TENM3: variants seen among roughly 807,000 people sequenced by gnomAD.
TENM3 encodes the protein teneurin-3.
In TENM3, 63 loss-of-function variants were observed where a neutral mutation model predicts 255.1. That is an observed-to-expected ratio of 0.25 (90% CI 0.20 to 0.30). The LOEUF (loss-of-function observed/expected upper bound fraction) is 0.30. Among genes scored for constraint, TENM3 ranks in the 10% least tolerant of loss-of-function variants. The pLI is 1.00. For synonymous variants in TENM3, 1,306 were observed against 1,322.3 expected, an observed-to-expected ratio of 0.99 and a Z score of 0.27; for missense variants, 2,929 against 3,461.1, an observed-to-expected ratio of 0.85 and a Z score of 3.86.
chr4:181,893,141 G>GT, the TENM3 span, among the ~76,000 whole-genome samples: 438 of 152,226 alleles, frequency 2.9e-3, no homozygotes, highest in Non-Finnish European at 4.6e-3. Flanking sequence ...AGGTTTATAT[G>GT]TATTCTCATT....
the TENM3 span, among the ~76,000 whole-genome samples, chr4:181,601,977 G>A: frequency 6.8e-6 from 1 of 147,978 alleles, no homozygotes; most frequent in African/African-American, 2.5e-5. Context: ...CTTGTCTTTG[G>A]ATGTAGGGTC....
At position 182,442,786 on chromosome 4, in the gene TENM3, ATGTGTG is replaced by A. The variant is rs750639444; in HGVS notation, c.511+95871_511+95876del. Among the ~76,000 whole-genome samples, 17 of 148,302 alleles carry A rather than the reference ATGTGTG, an allele frequency of 1.1e-4. No homozygotes were observed. The East Asian group carries it at 2.0e-3, about 17-fold the overall frequency. On this transcript the variant is annotated intron_variant, in intron 3 of 27. Transcript: ENST00000511685. ...TGTGTGTGTGTGTGTGTGTGTACAT[ATGTGTG>A]TGTGTGTGTGTGTATATACACATAT...
intron 3 of TENM3, among the ~76,000 whole-genome samples, chr4:182,404,920 G>A (rs575720607): frequency 2.8e-4 from 42 of 152,250 alleles, no homozygotes; most frequent in African/African-American, 9.9e-4. Flanking sequence ...CTCCATCATC[G>A]CCGGTCACAG....
At chr4:182,765,376 A>G (rs907972927) in intron 22 of TENM3, among the ~76,000 whole-genome samples, 11 of 152,156 alleles carry the variant, frequency 7.2e-5, no homozygotes, top group African/African-American at 2.7e-4. Context: ...CTCCTACTGG[A>G]TACTCTATCC....
At chr4:182,697,977 C>G (rs578175957) in intron 12 of TENM3, 1 of 152,226 alleles carries the variant, frequency 6.6e-6, no homozygotes, top group South Asian at 2.1e-4. Context: ...GTCTGTCCTT[C>G]AAATTCTTCT....
At chr4:181,469,628 T>C in the TENM3 span, among the ~76,000 whole-genome samples, 106,367 of 152,024 alleles carry the variant, frequency 0.7, 37,596 homozygotes, top group Non-Finnish European at 0.74. Flanking sequence ...TAAGACATTT[T>C]GAAATGTCTG....
the TENM3 span, among the ~76,000 whole-genome samples, chr4:181,453,478 G>T: frequency 6.6e-6 from 1 of 152,232 alleles, no homozygotes; most frequent in Admixed American, 6.5e-5. Context: ...GAGGCCAGAT[G>T]ATGCCATCCG....
the TENM3 span, among the ~76,000 whole-genome samples, chr4:181,705,244 C>T: frequency 5.9e-5 from 9 of 152,098 alleles, no homozygotes; most frequent in South Asian, 2.1e-4. Context: ...CCTGAAACCG[C>T]GGAGGAGGTT....
the TENM3 span, among the ~76,000 whole-genome samples, chr4:182,005,472 A>T: frequency 6.6e-6 from 1 of 151,988 alleles, no homozygotes; most frequent in Non-Finnish European, 1.5e-5. Flanking sequence ...GCTACTGTAG[A>T]CTTGTAGTAT....
At chr4:182,192,813 A>G (rs1579661354) in intron 1 of TENM3, among the ~76,000 whole-genome samples, 1 of 152,186 alleles carries the variant, frequency 6.6e-6, no homozygotes, top group Non-Finnish European at 1.5e-5. Context: ...AGCACAGTTA[A>G]GTCCATGGAT....
In TENM3 at chr4:182,754,321, C is replaced by T. The variant is rs1056331669; in HGVS notation, c.4018-64C>T. The T allele has an allele frequency of 2.1e-6, 3 of 1,451,506 alleles. No individual in the cohort carries two copies. Among genetic ancestry groups the T allele is most frequent in the Non-Finnish European group, 2.8e-6 (3 of 1,088,654 alleles). 89.9% of individuals were successfully genotyped at this position (1,451,506 alleles called of 1,614,324 possible). On this transcript the variant is annotated intron_variant, in intron 21 of 27. Coordinates refer to ENST00000511685, the MANE Select transcript of TENM3 (RefSeq NM_001080477.4). The surrounding 1 kb of genome is among the most constrained non-coding windows in gnomAD (Gnocchi z 5.1). Reference sequence around the variant, plus strand: ...CAATTTCCCTGAATGGTCTAATTTACTCTTCTGGCGAATTAACTGTAGTGC... The same window carrying T: ...CAATTTCCCTGAATGGTCTAATTTATTCTTCTGGCGAATTAACTGTAGTGC...
chr4:181,539,537 C>T, the TENM3 span, among the ~76,000 whole-genome samples: 2 of 152,106 alleles, frequency 1.3e-5, no homozygotes, highest in Non-Finnish European at 2.9e-5. Context: ...GTTTATTCCT[C>T]TAAAAATCCA....
chr4:182,779,069 T>A (rs79815268), intron 24 of TENM3, among the ~76,000 whole-genome samples: 3 of 149,550 alleles, frequency 2.0e-5, no homozygotes, highest in African/African-American at 7.5e-5. Context: ...TTTTTTTTTT[T>A]ATTATACTTT....
At chr4:181,807,633 G>A in the TENM3 span, among the ~76,000 whole-genome samples, 25 of 152,182 alleles carry the variant, frequency 1.6e-4, no homozygotes, top group Non-Finnish European at 3.5e-4. Flanking sequence ...AATTGCAGGT[G>A]TGAGCCACCG....
At chr4:182,272,282 A>C (rs542143146) in intron 1 of TENM3, among the ~76,000 whole-genome samples, 27 of 152,344 alleles carry the variant, frequency 1.8e-4, no homozygotes, top group African/African-American at 5.3e-4. Flanking sequence ...AGCAAGCAAA[A>C]TAAATGTCCC....
intron 5 of TENM3, among the ~76,000 whole-genome samples, chr4:182,629,919 A>C (rs1751199279): frequency 6.6e-6 from 1 of 152,218 alleles, no homozygotes; most frequent in Non-Finnish European, 1.5e-5. Flanking sequence ...AGAATTGTAG[A>C]GCATGAAGGA....
chr4:182,522,476 T>C (rs1197432437), intron 3 of TENM3, among the ~76,000 whole-genome samples: 1 of 152,234 alleles, frequency 6.6e-6, no homozygotes, highest in African/African-American at 2.4e-5. Flanking sequence ...TTTCACACAA[T>C]GACCTCCACC....
chr4:182,412,588 G>T (rs1164889695), intron 3 of TENM3, among the ~76,000 whole-genome samples: 1 of 152,074 alleles, frequency 6.6e-6, no homozygotes, highest in African/African-American at 2.4e-5. Flanking sequence ...ATTATGGGCT[G>T]GACACAGTGG....
At chr4:181,753,829 A>G in the TENM3 span, among the ~76,000 whole-genome samples, 3 of 152,152 alleles carry the variant, frequency 2.0e-5, no homozygotes, top group African/African-American at 7.2e-5. Context: ...ATCTCCTTGC[A>G]TGTCATACCC....
Sources: allele counts gnomAD v4.1 joint callset (sites outside exome capture counted in the v4.1 genomes callset), GRCh38; gene constraint gnomAD v4.1.1; non-coding constraint Gnocchi (gnomAD v3.1); transcripts MANE v1.5; gene names NCBI Gene and HGNC (gene_info 2026-07-23, HGNC 2026-07-21).